Variants in PXYLP1 observed in about 807,000 individuals in gnomAD.
PXYLP1 encodes acid phosphatase-like 2.
PXYLP1 carries 17 observed loss-of-function variants against 37.9 expected under a neutral mutation model. That is an observed-to-expected ratio of 0.45 (90% confidence interval 0.31 to 0.67). The LOEUF (loss-of-function observed/expected upper bound fraction) is 0.67. PXYLP1 is among the 30% of genes least tolerant of loss of function. The pLI, the probability that PXYLP1 is intolerant of heterozygous loss-of-function variation, is 0.07. For synonymous variants in PXYLP1, 221 were observed against 232.2 expected, an observed-to-expected ratio of 0.95 and a Z score of 0.44; for missense variants, 511 against 612.0, an observed-to-expected ratio of 0.84 and a Z score of 1.74.
chr3:141,262,521 T>C, intron 2 of PXYLP1: 1 of 834,108 alleles, frequency 1.2e-6, no homozygotes, highest in Non-Finnish European at 1.7e-6. Context: ...GGTTTCCACG[T>C]CACTGAATTG....
At chr3:141,267,889 C>CTCTCCCTCTCTCCCTT (rs1941558673) in intron 2 of PXYLP1, among the ~76,000 whole-genome samples, 2 of 151,654 alleles carry the variant, frequency 1.3e-5, no homozygotes, top group African/African-American at 4.9e-5. Context: ...CTCTCTCCCT[C>CTCTCCCTCTCTCCCTT]TCTCCCACCT....
intron 5 of PXYLP1, among the ~76,000 whole-genome samples, chr3:141,287,919 C>A (rs1406330025): frequency 6.6e-6 from 1 of 152,234 alleles, no homozygotes; most frequent in African/African-American, 2.4e-5. Flanking sequence ...TCTGGATGGG[C>A]AATTGATCAT....
chr3:141,273,457 G>A, intron 2 of PXYLP1: 1 of 984,818 alleles, frequency 1.0e-6, no homozygotes, highest in Non-Finnish European at 1.2e-6. Context: ...CTATGGGAAT[G>A]TTTACTAGTA....
chr3:141,284,680 G>T (rs1032825072), intron 4 of PXYLP1, among the ~76,000 whole-genome samples: 1 of 152,108 alleles, frequency 6.6e-6, no homozygotes, highest in Admixed American at 6.5e-5. Flanking sequence ...TACTTATAAC[G>T]CCAAACACAA....
chr3:141,280,080 T>A (rs1941911089), intron 4 of PXYLP1, among the ~76,000 whole-genome samples: 1 of 152,208 alleles, frequency 6.6e-6, no homozygotes, highest in Admixed American at 6.5e-5. Context: ...GAACAGAGTG[T>A]GGAAATTGTA....
intron 1 of PXYLP1, among the ~76,000 whole-genome samples, chr3:141,233,551 C>T (rs914922695): frequency 8.6e-5 from 13 of 151,448 alleles, no homozygotes; most frequent in African/African-American, 2.9e-4. Flanking sequence ...TATGAATCTG[C>T]CCCATCCCTT....
At chr3:141,242,129 A>G (rs1940816787) in intron 1 of PXYLP1, among the ~76,000 whole-genome samples, 1 of 152,082 alleles carries the variant, frequency 6.6e-6, no homozygotes, top group South Asian at 2.1e-4. Flanking sequence ...TCTCCCTTGG[A>G]CTTATACCAA....
At chr3:141,266,755 T>C (rs1229270455) in intron 2 of PXYLP1, among the ~76,000 whole-genome samples, 2 of 149,594 alleles carry the variant, frequency 1.3e-5, no homozygotes, top group African/African-American at 4.9e-5. Flanking sequence ...TTTCGATAGT[T>C]TCCCTGGGAA....
chr3:141,250,979 C>A (rs1163657024), intron 1 of PXYLP1, among the ~76,000 whole-genome samples: 2 of 152,200 alleles, frequency 1.3e-5, no homozygotes, highest in Non-Finnish European at 1.5e-5. Flanking sequence ...TGTCTCATAT[C>A]ATATCTAAGA....
chr3:141,245,770 G>A (rs1412947496), intron 1 of PXYLP1, among the ~76,000 whole-genome samples: 1 of 152,208 alleles, frequency 6.6e-6, no homozygotes, highest in African/African-American at 2.4e-5. Flanking sequence ...ATTTGGCGGA[G>A]AGGTCCCTAA....
chr3:141,268,872 C>G (rs1042436517), intron 2 of PXYLP1, among the ~76,000 whole-genome samples: 9 of 152,232 alleles, frequency 5.9e-5, no homozygotes, highest in Non-Finnish European at 1.3e-4. Context: ...CATGGCCCCT[C>G]TCTAGGATTT....
At chr3:141,248,023 G>GTTTTTTTTTTTT (rs55888415) in intron 1 of PXYLP1, among the ~76,000 whole-genome samples, 2 of 122,902 alleles carry the variant, frequency 1.6e-5, no homozygotes, top group South Asian at 2.6e-4. Context: ...TTTTTGTTTT[G>GTTTTTTTTTTTT]TTTTTTTTTT....
intron 1 of PXYLP1, chr3:141,235,118 A>G (rs548159349): frequency 2.2e-4 from 33 of 152,350 alleles, no homozygotes; most frequent in African/African-American, 7.9e-4. Context: ...TGGATAAGGA[A>G]GTGTGCCCAC....
At chr3:141,237,959 CATG>C (rs1225717591) in intron 1 of PXYLP1, among the ~76,000 whole-genome samples, 1 of 152,182 alleles carries the variant, frequency 6.6e-6, no homozygotes, top group African/African-American at 2.4e-5. Flanking sequence ...TAGTGGGAAG[CATG>C]ATAAGAGATC....
At chr3:141,248,510 T>C (rs200407294) in intron 1 of PXYLP1, among the ~76,000 whole-genome samples, 57 of 140,572 alleles carry the variant, frequency 4.1e-4, no homozygotes, top group South Asian at 1.3e-3. Flanking sequence ...TATATATATA[T>C]ATACACACAC....
At chr3:141,278,302 C>A in intron 2 of PXYLP1, 40 bp from the exon 3 acceptor site, 2 of 1,611,848 alleles carry the variant, frequency 1.2e-6, no homozygotes, top group Admixed American at 1.7e-5. Context: ...GCCTGGCGCC[C>A]CAGGAACTGT....
At chr3:141,274,099 C>T (rs1049630366) in intron 2 of PXYLP1, 93 of 993,178 alleles carry the variant, frequency 9.4e-5, no homozygotes, top group Non-Finnish European at 1.1e-4. Context: ...GCTAGAGGCA[C>T]GGGGGGCCTG....
chr3:141,262,653 T>C, intron 2 of PXYLP1: 1 of 1,527,946 alleles, frequency 6.5e-7, no homozygotes, highest in Non-Finnish European at 8.7e-7. Flanking sequence ...GGGTCTGAGC[T>C]CTTTATTCTT....
Position 141,260,254 on chromosome 3 carries a change from T to C in PXYLP1, c.79T>C (p.Phe27Leu), listed in dbSNP as rs138761221. ...CTTTGTGAGCCTCAGCCTGCAGTTC[T>C]GTGAGTAGAGCCGGGCCCCGCAGGT... ...LAFVSLSLQF[F>L]HLIPVSTPKN... Residue 27 changes from phenylalanine (F) to leucine (L), a missense_variant and splice_region_variant, in exon 2 of 6, where the codon TTC becomes CTC. By Grantham distance (22) the Phe-to-Leu change is conservative. Transcript: ENST00000286353. The C allele has an allele frequency of 1.9e-6, 3 of 1,612,668 alleles. No individual in the cohort carries two copies. The highest frequency in any genetic ancestry group is 2.5e-6 in the Non-Finnish European group (3 of 1,180,030).
Sources: allele counts gnomAD v4.1 joint callset (sites outside exome capture counted in the v4.1 genomes callset), GRCh38; gene constraint gnomAD v4.1.1; transcripts MANE v1.5; gene names NCBI Gene and HGNC (gene_info 2026-07-23, HGNC 2026-07-21).